The following NDUFS2 variants were observed in gnomAD, a reference collection of about 807,000 sequenced individuals.
The protein encoded by NDUFS2 is NADH dehydrogenase [ubiquinone] iron-sulfur protein 2, mitochondrial.
NDUFS2 carries 38 observed loss-of-function variants against 69.6 expected under a neutral mutation model. The ratio of observed to expected loss-of-function variants is 0.55; its 90% CI spans 0.42 to 0.72. The LOEUF is 0.72. Among genes scored for constraint, NDUFS2 ranks in the 30% least tolerant of loss-of-function variants. NDUFS2 has a pLI of 0.00. For missense variants in NDUFS2, 468 were observed against 595.0 expected (o/e 0.79, Z 2.22); for synonymous variants, 194 against 211.2 (o/e 0.92, Z 0.70).
At chr1:161,204,155 T>C (rs1166758648) in intron 2 of NDUFS2, among the ~76,000 whole-genome samples, 1 of 152,228 alleles carries the variant, frequency 6.6e-6, no homozygotes, top group Admixed American at 6.5e-5. Context: ...TTCACTACAT[T>C]ATCTCCCTCT....
upstream of NDUFS2, chr1:161,202,212 A>G (rs577714409): frequency 7.3e-6 from 5 of 680,754 alleles, no homozygotes; most frequent in South Asian, 6.3e-5. Flanking sequence ...ACTGTTATCT[A>G]AACGCAAGTG....
At chr1:161,212,237 A>T in intron 9 of NDUFS2, 114 bp from the exon 10 acceptor site, 1 of 1,343,318 alleles carries the variant, frequency 7.4e-7, no homozygotes, top group Non-Finnish European at 1.1e-6. Flanking sequence ...GTACTTGGAG[A>T]AAAGAGTGGG....
intron 8 of NDUFS2, 25 bp from the exon 9 acceptor site, chr1:161,210,566 C>T (rs1571617450): frequency 1.2e-6 from 2 of 1,614,022 alleles, no homozygotes; most frequent in Non-Finnish European, 1.7e-6. Flanking sequence ...GAGAGTGGCC[C>T]TTATTCCCAT....
chr1:161,198,703 T>C (rs1322180364), upstream of NDUFS2: 1 of 1,350,738 alleles, frequency 7.4e-7, no homozygotes, highest in Non-Finnish European at 9.8e-7. The surrounding 1 kb of genome is among the most constrained non-coding windows in gnomAD (Gnocchi z 4.7). Flanking sequence ...TTTGGAAAGC[T>C]CCTCTCTGTA....
At chr1:161,213,065 C>T (rs188808325) in intron 10 of NDUFS2, 79 of 351,210 alleles carry the variant, frequency 2.2e-4, no homozygotes, top group Non-Finnish European at 1.2e-4. Flanking sequence ...CCACCACGCC[C>T]AGCTAATTTT....
chr1:161,207,430 G>A (rs78487563), intron 3 of NDUFS2, among the ~76,000 whole-genome samples: 2,062 of 152,272 alleles, frequency 0.014, 55 homozygotes, highest in African/African-American at 0.046. Flanking sequence ...GCATTCTGGA[G>A]GAAGGACCAT....
intron 9 of NDUFS2, among the ~76,000 whole-genome samples, chr1:161,211,763 C>G (rs529770911): frequency 2.0e-5 from 3 of 152,072 alleles, no homozygotes; most frequent in Non-Finnish European, 2.9e-5. Flanking sequence ...TTTTTTGAAC[C>G]TGGTAGCTAC....
At chr1:161,206,989 T>C (rs751125490) in intron 3 of NDUFS2, among the ~76,000 whole-genome samples, 4 of 152,212 alleles carry the variant, frequency 2.6e-5, no homozygotes, top group African/African-American at 4.8e-5. Flanking sequence ...ATCTTCCAGC[T>C]GTCTACGTTT....
At chr1:161,202,149 A>G (rs1665162683), upstream of NDUFS2, 2 of 581,496 alleles carry the variant, frequency 3.4e-6, no homozygotes, top group Admixed American at 5.8e-5. Context: ...GCTCCTAGAA[A>G]AGCCAGCCAG....
Position 161,203,752 on chromosome 1 carries a change from ACAACT to A in NDUFS2, c.202+210_202+214del, listed in dbSNP as rs1440237655. 2.2e-5 allele frequency: 13 copies of A among 589,942 alleles called. No homozygotes were observed. The African/African-American group carries it at 2.4e-4, about 11-fold the overall frequency. 36.5% of individuals were successfully genotyped at this position (589,942 alleles called of 1,614,324 possible). A position where few individuals can be genotyped will look rare whatever the true frequency, so the allele number is the denominator to read the frequency against. ...GCCGCAACAACAGGCCTGTGCCACC[ACAACT>A]GGCTAATTTTGAAAATTTTCCTTTT... On this transcript the variant is annotated intron_variant, in intron 2 of 13. Coordinates refer to ENST00000676972, the MANE Select transcript of NDUFS2 (RefSeq NM_001377299.1).
chr1:161,197,948 G>A (rs747334787), upstream of NDUFS2: 73 of 1,520,470 alleles, frequency 4.8e-5, no homozygotes, highest in Non-Finnish European at 6.4e-5. Context: ...CAGTAGGACA[G>A]ACATGGCGGG....
rs531198627 is a variant in NDUFS2 at position 161,213,670 on chromosome 1, G to A, written c.1234G>A (p.Val412Met). The A allele has an allele frequency of 6.2e-7, 1 of 1,614,204 alleles. No homozygotes were observed. ...ACAGGGAGAGTTTGGGGTGTACCTGGTGTCTGATGGCAGCAGCCGCCCTTA... is the reference window on the plus strand; with the variant it reads ...ACAGGGAGAGTTTGGGGTGTACCTGATGTCTGATGGCAGCAGCCGCCCTTA... ...APKGEFGVYLVSDGSSRPYRC... is the reference protein window; with the variant it reads ...APKGEFGVYLMSDGSSRPYRC... The change falls in exon 12 of 14, where the codon GTG (valine) becomes ATG (methionine). Residue 412 changes from valine (V) to methionine (M), a missense_variant. This residue lies in a region of NDUFS2 where 72 missense variants were observed against 118.9 expected (regional missense o/e 0.61). Transcript: ENST00000676972.
At chr1:161,214,017 C>T in intron 13 of NDUFS2, 96 bp downstream of exon 13, 3 of 1,613,498 alleles carry the variant, frequency 1.9e-6, no homozygotes, top group Non-Finnish European at 2.5e-6. Flanking sequence ...CACCATAGGC[C>T]ATGGCATGGA....
intron 2 of NDUFS2, among the ~76,000 whole-genome samples, chr1:161,205,321 G>C (rs950351201): frequency 3.9e-5 from 6 of 152,130 alleles, no homozygotes; most frequent in African/African-American, 1.4e-4. Context: ...CTTTGTCCCA[G>C]TACTAATCAT....
intron 9 of NDUFS2, 152 bp downstream of exon 9, chr1:161,210,862 T>A: frequency 8.4e-7 from 1 of 1,189,664 alleles, no homozygotes; most frequent in Non-Finnish European, 1.2e-6. Flanking sequence ...CTTTCACATA[T>A]ATGGAATCTT....
chr1:161,213,455 A>G lies in NDUFS2; in HGVS notation c.1192A>G (p.Thr398Ala). Residue 398 changes from threonine to alanine, a missense_variant, in exon 11 of 14, where the codon ACT becomes GCT. By Grantham distance (58) the Thr-to-Ala change is moderately conservative. This residue lies in a region of NDUFS2 where 72 missense variants were observed against 118.9 expected (regional missense o/e 0.61). Transcript: ENST00000676972. Reference protein sequence around the residue: ...GYQVPPGATYTAIEAPKGEFG... With the variant: ...GYQVPPGATYAAIEAPKGEFG... The stretch of plus-strand genomic sequence containing the variant: ...CCAAGTTCCTCCAGGAGCCACATAT[A>G]CTGCCATTGAGGCTCCCAAGGTAAG... The G allele has an allele frequency of 6.2e-7, 1 of 1,610,542 alleles. No homozygotes were observed. The highest frequency in any genetic ancestry group is 8.5e-7 in the Non-Finnish European group (1 of 1,177,842).
At position 161,214,267 on chromosome 1, in the gene NDUFS2, CTCTGTGTGTGTGTG is replaced by C; in HGVS notation, c.*76_*89del. 1 of 1,127,568 alleles carries C rather than the reference CTCTGTGTGTGTGTG, an allele frequency of 8.9e-7. No homozygotes were observed. The highest frequency in any genetic ancestry group is 1.3e-6 in the Non-Finnish European group (1 of 782,322). The allele number at this position is 1,127,568 out of a possible 1,614,324, so 69.8% of individuals were successfully genotyped here. On this transcript the variant is annotated 3_prime_UTR_variant, in exon 14 of 14. Transcript: ENST00000676972. Reference sequence around the variant, plus strand: ...AGCCTGTTCCTCACTGGAAATTGGCCTCTGTGTGTGTGTGTGTGTGTGTGTGTGTGTGTATGTTC... The same window carrying C: ...AGCCTGTTCCTCACTGGAAATTGGCCTGTGTGTGTGTGTGTGTGTATGTTC...
intron 9 of NDUFS2, among the ~76,000 whole-genome samples, chr1:161,211,209 C>T (rs1434168912): frequency 6.6e-6 from 1 of 152,222 alleles, no homozygotes; most frequent in Non-Finnish European, 1.5e-5. Flanking sequence ...TTATCCTTGT[C>T]TTAGATGGAG....
chr1:161,197,944 G>A, upstream of NDUFS2: 1 of 1,518,894 alleles, frequency 6.6e-7, no homozygotes, highest in Non-Finnish European at 8.8e-7. Context: ...GGGTCAGTAG[G>A]ACAGACATGG....
Sources: gnomAD v4.1 joint callset for allele counts (sites outside exome capture counted in the v4.1 genomes callset) on GRCh38, gnomAD v4.1.1 for gene constraint, gnomAD v4.1.1 regional missense constraint, Gnocchi (gnomAD v3.1) non-coding constraint, MANE v1.5 for transcripts, NCBI Gene and HGNC (gene_info 2026-07-23, HGNC 2026-07-21) for gene names.